The following THRB variants were observed in gnomAD, a reference collection of about 807,000 sequenced individuals.
THRB encodes thyroid hormone receptor beta, also known as nuclear receptor subfamily 1 group A member 2.
A neutral mutation model predicts 47.8 loss-of-function variants in THRB; 12 were observed. The observed-to-expected ratio is 0.25, with a 90% CI of 0.16 to 0.41. The LOEUF (loss-of-function observed/expected upper bound fraction) is 0.41. THRB is among the 10% of genes least tolerant of loss of function. The pLI, the probability that THRB is intolerant of heterozygous loss-of-function variation, is 1.00. For synonymous variants in THRB, 218 were observed against 212.2 expected (o/e 1.03, Z -0.24); for missense variants, 348 against 589.2 (o/e 0.59, Z 4.24).
intron 1 of THRB, among the ~76,000 whole-genome samples, chr3:24,444,177 A>AATTCTGGCTAATGTTATAGGAC (rs1433549786): frequency 2.3e-3 from 348 of 152,316 alleles, no homozygotes; most frequent in African/African-American, 7.9e-3. Flanking sequence ...TTGCTGTGGA[A>AATTCTGGCTAATGTTATAGGAC]ATTCTGGCTA....
At chr3:24,275,566 C>T (rs887998535) in intron 3 of THRB, among the ~76,000 whole-genome samples, 1 of 152,182 alleles carries the variant, frequency 6.6e-6, no homozygotes, top group Non-Finnish European at 1.5e-5. Context: ...CCATGTTTTG[C>T]CACCATCATC....
intron 3 of THRB, among the ~76,000 whole-genome samples, chr3:24,237,592 G>T (rs1479633036): frequency 2.0e-5 from 3 of 151,994 alleles, no homozygotes; most frequent in African/African-American, 4.8e-5. Context: ...AGTCACCATG[G>T]CATGTTACAA....
chr3:24,316,863 A>G (rs146867396), intron 2 of THRB, among the ~76,000 whole-genome samples: 45 of 152,274 alleles, frequency 3.0e-4, no homozygotes, highest in African/African-American at 1.0e-3. Context: ...ATGCCTTATC[A>G]CAACTCAGAA....
chr3:24,350,836 C>A (rs1182600092), intron 1 of THRB, among the ~76,000 whole-genome samples: 1 of 151,994 alleles, frequency 6.6e-6, no homozygotes, highest in Non-Finnish European at 1.5e-5. Flanking sequence ...AAGGTAATTT[C>A]TTTAAGAAAT....
At chr3:24,206,360 C>T (rs1575863480) in intron 4 of THRB, among the ~76,000 whole-genome samples, 1 of 152,126 alleles carries the variant, frequency 6.6e-6, no homozygotes, top group East Asian at 1.9e-4. Flanking sequence ...CTCAAAACCG[C>T]TCAACTACAT....
intron 3 of THRB, among the ~76,000 whole-genome samples, chr3:24,238,826 T>C (rs1175912900): frequency 6.6e-6 from 1 of 152,110 alleles, no homozygotes; most frequent in Non-Finnish European, 1.5e-5. Flanking sequence ...TCCTAATAAA[T>C]ATAACTGTTT....
intron 1 of THRB, among the ~76,000 whole-genome samples, chr3:24,449,717 T>C (rs955916264): frequency 3.9e-5 from 6 of 152,172 alleles, no homozygotes; most frequent in Non-Finnish European, 7.3e-5. Flanking sequence ...CTAAATACTA[T>C]ATATGTGAGA....
At chr3:24,267,785 G>T (rs2052816552) in intron 3 of THRB, among the ~76,000 whole-genome samples, 3 of 152,028 alleles carry the variant, frequency 2.0e-5, no homozygotes, top group African/African-American at 7.2e-5. Context: ...ATTCCCACTT[G>T]CCCACGCTGC....
intron 1 of THRB, among the ~76,000 whole-genome samples, chr3:24,460,215 T>C (rs535808159): frequency 4.3e-4 from 66 of 152,342 alleles, no homozygotes; most frequent in Non-Finnish European, 7.8e-4. Flanking sequence ...GGCTTATCTA[T>C]CCGAGATGTA....
At chr3:24,203,787 A>C (rs549906839) in intron 4 of THRB, among the ~76,000 whole-genome samples, 1 of 152,338 alleles carries the variant, frequency 6.6e-6, no homozygotes, top group East Asian at 1.9e-4. Context: ...CGGCACCTGG[A>C]AAATCAGATC....
At chr3:24,184,089 G>A (rs1026602848) in intron 5 of THRB, among the ~76,000 whole-genome samples, 8 of 149,180 alleles carry the variant, frequency 5.4e-5, no homozygotes, top group South Asian at 2.2e-4. Flanking sequence ...GACTTTTAAC[G>A]TTATAAATGG....
chr3:24,129,467 A>G (rs1332368620), intron 9 of THRB, among the ~76,000 whole-genome samples: 1 of 152,258 alleles, frequency 6.6e-6, no homozygotes, highest in Admixed American at 6.5e-5. Context: ...CTGATTATAG[A>G]TGAAGTAGAA....
At chr3:24,127,803 C>T in intron 9 of THRB, 46 bp from the exon 10 acceptor site, 1 of 1,609,518 alleles carries the variant, frequency 6.2e-7, no homozygotes, top group Non-Finnish European at 8.5e-7. Flanking sequence ...TGCAAAAATG[C>T]CAGTCAGGAA....
At chr3:24,135,856 A>G (rs993128952) in intron 8 of THRB, among the ~76,000 whole-genome samples, 3 of 130,244 alleles carry the variant, frequency 2.3e-5, no homozygotes, top group South Asian at 2.5e-4. Flanking sequence ...TAATACATAA[A>G]TATATATTAA....
chr3:24,253,044 A>G (rs1384092915), intron 3 of THRB, among the ~76,000 whole-genome samples: 2 of 152,222 alleles, frequency 1.3e-5, no homozygotes, highest in African/African-American at 4.8e-5. Context: ...AATACAATAC[A>G]ATACAATACA....
intron 3 of THRB, among the ~76,000 whole-genome samples, chr3:24,275,845 T>C (rs750487539): frequency 6.6e-6 from 1 of 152,164 alleles, no homozygotes; most frequent in Non-Finnish European, 1.5e-5. Context: ...AGATTCTGAT[T>C]CTACAGTTCA....
intron 5 of THRB, among the ~76,000 whole-genome samples, chr3:24,186,143 G>A (rs534781515): frequency 2.4e-4 from 36 of 152,280 alleles, no homozygotes; most frequent in East Asian, 1.2e-3. Flanking sequence ...TTTCAAGCTC[G>A]TCATGATACC....
At chr3:24,353,479 T>C (rs1305899377) in intron 1 of THRB, among the ~76,000 whole-genome samples, 1 of 152,140 alleles carries the variant, frequency 6.6e-6, no homozygotes, top group East Asian at 1.9e-4. Flanking sequence ...CAATTCACTG[T>C]GAATTAGCAA....
At chr3:24,274,234 A>G (rs2053661043) in intron 3 of THRB, among the ~76,000 whole-genome samples, 1 of 152,222 alleles carries the variant, frequency 6.6e-6, no homozygotes, top group African/African-American at 2.4e-5. Flanking sequence ...GAAAGCCTGT[A>G]TCACTTGCCA....
Sources: gnomAD v4.1 joint callset for allele counts (sites outside exome capture counted in the v4.1 genomes callset) on GRCh38, gnomAD v4.1.1 for gene constraint, MANE v1.5 for transcripts, NCBI Gene and HGNC (gene_info 2026-07-23, HGNC 2026-07-21) for gene names.